Variants in NPAS3 observed in about 807,000 individuals in gnomAD.
NPAS3 encodes neuronal PAS domain-containing protein 3.
In NPAS3, 14 loss-of-function variants were observed where a neutral mutation model predicts 73.1. The ratio of observed to expected loss-of-function variants is 0.19; its 90% confidence interval spans 0.13 to 0.30. The LOEUF (loss-of-function observed/expected upper bound fraction) is 0.30. NPAS3 is among the 10% of genes least tolerant of loss of function. The probability of loss-of-function intolerance (pLI) is 1.00; values close to 1 mark genes in which losing one functional copy is unlikely to be tolerated. For synonymous variants in NPAS3, 620 were observed against 541.5 expected (o/e 1.14, Z -2.01); for missense variants, 1,096 against 1,250.0 (o/e 0.88, Z 1.86).
At chr14:33,538,014 G>A (rs377498406) in intron 4 of NPAS3, among the ~76,000 whole-genome samples, 18 of 151,786 alleles carry the variant, frequency 1.2e-4, no homozygotes, top group African/African-American at 3.4e-4. Flanking sequence ...GCTAAGCATC[G>A]GGTTGTGGTG....
intron 2 of NPAS3, among the ~76,000 whole-genome samples, chr14:33,104,849 A>C (rs1168859767): frequency 6.6e-6 from 1 of 152,218 alleles, no homozygotes; most frequent in East Asian, 1.9e-4. Context: ...GATTTAAAAA[A>C]ATATGGTGCC....
intron 4 of NPAS3, among the ~76,000 whole-genome samples, chr14:33,495,972 A>C (rs11621801): frequency 0.38 from 57,726 of 151,812 alleles, 11,353 homozygotes; most frequent in South Asian, 0.58. Flanking sequence ...AATAAAGAAG[A>C]AAAGAAAGGA....
At chr14:33,194,637 A>G (rs770313968) in intron 2 of NPAS3, among the ~76,000 whole-genome samples, 4 of 152,184 alleles carry the variant, frequency 2.6e-5, no homozygotes, top group Non-Finnish European at 5.9e-5. Flanking sequence ...TGTGGTTATA[A>G]TAAGTATTAT....
At chr14:33,247,669 A>G (rs533142842) in intron 3 of NPAS3, among the ~76,000 whole-genome samples, 189 of 152,366 alleles carry the variant, frequency 1.2e-3, no homozygotes, top group African/African-American at 4.3e-3. Flanking sequence ...AAAAAGTCAT[A>G]TTCAGATTGG....
chr14:33,771,315 C>T (rs958345848), intron 7 of NPAS3, among the ~76,000 whole-genome samples: 3 of 152,174 alleles, frequency 2.0e-5, no homozygotes, highest in African/African-American at 7.2e-5. Flanking sequence ...CACCCTCCCT[C>T]AAACCCACAC....
chr14:33,076,061 T>C (rs1467675633), intron 2 of NPAS3, among the ~76,000 whole-genome samples: 2 of 152,212 alleles, frequency 1.3e-5, no homozygotes, highest in African/African-American at 4.8e-5. Context: ...TGAAGTAGTA[T>C]TAAGAAAAAA....
intron 4 of NPAS3, among the ~76,000 whole-genome samples, chr14:33,501,731 G>A (rs1566954742): frequency 1.3e-5 from 2 of 151,572 alleles, no homozygotes; most frequent in Non-Finnish European, 2.9e-5. Context: ...CTTAGCAGCA[G>A]GTATAGCCTG....
chr14:33,350,704 G>A (rs1473274137), intron 3 of NPAS3, among the ~76,000 whole-genome samples: 1 of 152,200 alleles, frequency 6.6e-6, no homozygotes, highest in Non-Finnish European at 1.5e-5. Context: ...AATTCCCCCA[G>A]TATTCTTAGC....
chr14:33,136,454 A>G (rs2043842987), intron 2 of NPAS3, among the ~76,000 whole-genome samples: 1 of 152,360 alleles, frequency 6.6e-6, no homozygotes, highest in African/African-American at 2.4e-5. Context: ...TTGATAATGC[A>G]GGCTATGAGC....
intron 4 of NPAS3, among the ~76,000 whole-genome samples, chr14:33,477,930 C>T (rs551668529): frequency 2.2e-4 from 33 of 152,096 alleles, no homozygotes; most frequent in Non-Finnish European, 3.7e-4. Context: ...AGAGTGCTCC[C>T]CAAACCTTGC....
chr14:33,136,888 G>T (rs1417355096), intron 2 of NPAS3, among the ~76,000 whole-genome samples: 1 of 152,130 alleles, frequency 6.6e-6, no homozygotes, highest in Non-Finnish European at 1.5e-5. Flanking sequence ...TTAATTCATT[G>T]ATTTAACTTT....
intron 4 of NPAS3, among the ~76,000 whole-genome samples, chr14:33,471,687 A>G (rs945600048): frequency 6.6e-6 from 1 of 152,250 alleles, no homozygotes; most frequent in Non-Finnish European, 1.5e-5. Context: ...ATTAAGTTGT[A>G]AAATGATTAT....
chr14:33,528,627 T>C (rs1053981318), intron 4 of NPAS3, among the ~76,000 whole-genome samples: 13 of 151,974 alleles, frequency 8.6e-5, no homozygotes, highest in Middle Eastern at 6.8e-3. Flanking sequence ...CCAAGCCTCT[T>C]CCCAGCGCCT....
In NPAS3 at chr14:33,719,076, C is replaced by T. The variant is rs146248238; in HGVS notation, c.734-16138C>T. On this transcript the variant is annotated intron_variant, in intron 6 of 11. Coordinates refer to ENST00000356141, the Ensembl canonical transcript of NPAS3. ...CCAGGAGGTCAAGGCTGCAGTGAGC[C>T]GTGTTCACACCACTACACTACAACC... Among the ~76,000 whole-genome samples the T allele has an allele frequency of 9.6e-3, 1,465 of 152,184 alleles. 14 individuals are homozygous for T. Among genetic ancestry groups the T allele is most frequent in the African/African-American group, 0.033 (1,389 of 41,532 alleles).
At chr14:33,513,032 G>T (rs1322453540) in intron 4 of NPAS3, among the ~76,000 whole-genome samples, 1 of 152,054 alleles carries the variant, frequency 6.6e-6, no homozygotes, top group African/African-American at 2.4e-5. Flanking sequence ...CTCGAATTCA[G>T]TGGATGAAAA....
chr14:33,000,870 T>C (rs2038781810), intron 1 of NPAS3, among the ~76,000 whole-genome samples: 1 of 152,198 alleles, frequency 6.6e-6, no homozygotes, highest in Non-Finnish European at 1.5e-5. Flanking sequence ...CAAGGATTAG[T>C]GTGGGGGAAA....
intron 2 of NPAS3, among the ~76,000 whole-genome samples, chr14:33,198,487 C>T (rs1183329586): frequency 6.6e-6 from 1 of 152,172 alleles, no homozygotes. Context: ...TCTCCAAGTC[C>T]TCACCAGATT....
intron 7 of NPAS3, among the ~76,000 whole-genome samples, chr14:33,772,699 A>G (rs2062693474): frequency 6.6e-6 from 1 of 152,128 alleles, no homozygotes; most frequent in East Asian, 1.9e-4. Flanking sequence ...AGTTAATCCC[A>G]TTTCTTTTAG....
At chr14:33,509,019 G>A (rs1011791554) in intron 4 of NPAS3, among the ~76,000 whole-genome samples, 3 of 151,182 alleles carry the variant, frequency 2.0e-5, no homozygotes, top group African/African-American at 7.3e-5. Context: ...AGAAAGGTGT[G>A]GTTCTACTCA....
Sources: gnomAD v4.1 joint callset for allele counts (sites outside exome capture counted in the v4.1 genomes callset) on GRCh38, gnomAD v4.1.1 for gene constraint, MANE v1.5 for transcripts, NCBI Gene and HGNC (gene_info 2026-07-23, HGNC 2026-07-21) for gene names.